The following ATP11C variants were observed in gnomAD, a reference collection of about 807,000 sequenced individuals.
The protein encoded by ATP11C is ATPase phospholipid transporting 11C (ATP11C blood group), also known as phospholipid-transporting ATPase IG.
ATP11C carries 36 observed loss-of-function variants against 97.4 expected under a neutral mutation model. That is an observed-to-expected ratio of 0.37 (90% confidence interval 0.28 to 0.49). The LOEUF (loss-of-function observed/expected upper bound fraction) is 0.49, where lower values mean the gene tolerates loss of function less well. Ranked by LOEUF, ATP11C falls within the 20% of genes least tolerant of loss-of-function variation. ATP11C has a pLI of 0.98. For missense variants in ATP11C, 730 were observed against 824.6 expected (o/e 0.89, Z 1.40); for synonymous variants, 275 against 290.9 (o/e 0.95, Z 0.56).
At chrX:139,794,273 CA>C (rs1273861546) in intron 12 of ATP11C, among the ~76,000 whole-genome samples, 2 of 112,217 alleles carry the variant, frequency 1.8e-5, no homozygotes, top group Non-Finnish European at 3.8e-5. Flanking sequence ...ATGGTATGAA[CA>C]GGAATTAAAT....
intron 22 of ATP11C, among the ~76,000 whole-genome samples, chrX:139,758,414 T>C (rs1438269398): frequency 8.9e-6 from 1 of 111,791 alleles, no homozygotes; most frequent in African/African-American, 3.3e-5. Flanking sequence ...TCAACTTCTT[T>C]TTCCTAAGTC....
At chrX:139,748,309 G>C (rs2081736073) in intron 24 of ATP11C, among the ~76,000 whole-genome samples, 1 of 109,939 alleles carries the variant, frequency 9.1e-6, no homozygotes, top group Admixed American at 9.7e-5. Context: ...AGGTCACCTG[G>C]TAAGTAGCAG....
chrX:139,843,821 G>A (rs1398880399), intron 1 of ATP11C, among the ~76,000 whole-genome samples: 4 of 105,570 alleles, frequency 3.8e-5, no homozygotes, highest in Non-Finnish European at 7.6e-5. Context: ...CCTTCATATT[G>A]TAAATACTGA....
chrX:139,836,765 G>A (rs138948621), intron 1 of ATP11C, among the ~76,000 whole-genome samples: 2 of 111,162 alleles, frequency 1.8e-5, no homozygotes, highest in African/African-American at 6.6e-5. Context: ...TTTACTTAAT[G>A]GTAATCTTTA....
chrX:139,859,911 CT>C (rs1458706344), intron 1 of ATP11C, among the ~76,000 whole-genome samples: 1 of 82,671 alleles, frequency 1.2e-5, no homozygotes, highest in Non-Finnish European at 2.0e-5. Flanking sequence ...ACCATCCCGG[CT>C]AAAAACGGTG....
intron 28 of ATP11C, 152 bp from the exon 29 acceptor site, chrX:139,731,907 G>A: frequency 3.9e-6 from 1 of 256,763 alleles, no homozygotes. Context: ...TATAGTAAAT[G>A]TATAACATTC....
chrX:139,927,448 CA>C (rs2085369105), intron 1 of ATP11C, among the ~76,000 whole-genome samples: 1 of 110,313 alleles, frequency 9.1e-6, no homozygotes, highest in African/African-American at 3.3e-5. Context: ...CTAAAAAATA[CA>C]AAAAATTAGC....
At position 139,932,283 on chromosome X, in the gene ATP11C, G is replaced by A. The variant is rs1181190794; in HGVS notation, c.-241C>T. The A allele has an allele frequency of 1.8e-5, 2 of 110,873 alleles. No individual in the cohort carries two copies. The highest frequency in any genetic ancestry group is 3.3e-5 in the African/African-American group (1 of 29,875). The allele number at this position is 110,873 out of a possible 1,213,427, so 9.1% of individuals were successfully genotyped here. On this transcript the variant is annotated 5_prime_UTR_variant, in exon 1 of 30. Transcript: ENST00000682941. ...CCGCCCCCGGCCTGCCTGACCCGGGGGCGGCGGCCCCGCGGATCGCCCTTA... is the reference window on the plus strand; with the variant it reads ...CCGCCCCCGGCCTGCCTGACCCGGGAGCGGCGGCCCCGCGGATCGCCCTTA...
At position 139,904,244 on chromosome X, in the gene ATP11C, T is replaced by C. The variant is rs983015629; in HGVS notation, c.27+27772A>G. On this transcript the variant is annotated intron_variant, in intron 1 of 29. Coordinates refer to ENST00000682941, the MANE Select transcript of ATP11C (RefSeq NM_001353812.2). ...TGAGTAAACTAAAACACGCATGCTT[T>C]TGGCCGGGCACGGTGGCTCACGCCT... Among the ~76,000 whole-genome samples, 6 of 111,746 alleles carry C rather than the reference T, an allele frequency of 5.4e-5. No individual in the cohort carries two copies. In the South Asian group the frequency reaches 1.9e-3, roughly 35 times the overall value.
chrX:139,882,716 T>C (rs773208867), intron 1 of ATP11C, among the ~76,000 whole-genome samples: 7 of 111,801 alleles, frequency 6.3e-5, no homozygotes, highest in Non-Finnish European at 1.1e-4. Flanking sequence ...CCCCTCACCA[T>C]TGTCTGTTCC....
intron 1 of ATP11C, among the ~76,000 whole-genome samples, chrX:139,853,199 C>T (rs1355757193): frequency 1.8e-5 from 2 of 111,444 alleles, no homozygotes; most frequent in Non-Finnish European, 3.8e-5. Context: ...CCGCCAGTCC[C>T]TCCCCTAGGG....
intron 5 of ATP11C, among the ~76,000 whole-genome samples, chrX:139,814,287 G>C (rs2083237945): frequency 1.8e-5 from 2 of 111,069 alleles, no homozygotes; most frequent in Admixed American, 9.6e-5. Flanking sequence ...TTATGTTGCT[G>C]ATGGGAATGT....
At chrX:139,866,737 A>G (rs2084293935) in intron 1 of ATP11C, among the ~76,000 whole-genome samples, 1 of 110,254 alleles carries the variant, frequency 9.1e-6, no homozygotes, top group Non-Finnish European at 1.9e-5. Flanking sequence ...ACAAAAAAAA[A>G]GACGCCGGAA....
chrX:139,893,747 A>G (rs2084765793), intron 1 of ATP11C, among the ~76,000 whole-genome samples: 1 of 111,021 alleles, frequency 9.0e-6, no homozygotes, highest in Non-Finnish European at 1.9e-5. Context: ...ACTACAAAAA[A>G]AAAAAAAAAT....
chrX:139,894,835 T>A lies in ATP11C; in HGVS notation c.27+37181A>T, dbSNP rs1476063235. 2.7e-5 allele frequency among the ~76,000 whole-genome samples: 3 copies of A among 111,733 alleles called. No individual in the cohort carries two copies. The South Asian group carries it at 1.1e-3, about 42-fold the overall frequency. Reference sequence around the variant, plus strand: ...AGAAAGTCTAATAACTGGTAAATCATAAATAAAATCACATTCTTCGAGACC... The same window carrying A: ...AGAAAGTCTAATAACTGGTAAATCAAAAATAAAATCACATTCTTCGAGACC... On this transcript the variant is annotated intron_variant, in intron 1 of 29. Coordinates refer to ENST00000682941, the MANE Select transcript of ATP11C (RefSeq NM_001353812.2).
At chrX:139,892,575 T>C (rs1569486926) in intron 1 of ATP11C, among the ~76,000 whole-genome samples, 1 of 111,722 alleles carries the variant, frequency 9.0e-6, no homozygotes, top group South Asian at 3.7e-4. Flanking sequence ...TTTGGATGAA[T>C]TGGGGTGCCA....
intron 1 of ATP11C, among the ~76,000 whole-genome samples, chrX:139,849,463 G>A (rs1020365130): frequency 8.9e-5 from 10 of 111,798 alleles, no homozygotes; most frequent in Non-Finnish European, 1.7e-4. Context: ...AAATGTGTTT[G>A]TTTTATTCAC....
intron 1 of ATP11C, among the ~76,000 whole-genome samples, chrX:139,856,241 G>A (rs777226353): frequency 1.1e-3 from 122 of 112,429 alleles, no homozygotes; most frequent in African/African-American, 3.8e-3. Flanking sequence ...GTAATAAGTC[G>A]TGCCAAGCTC....
chrX:139,793,693 AAATAAAGCTCAAT>A (rs985444879), intron 12 of ATP11C, among the ~76,000 whole-genome samples: 2 of 111,743 alleles, frequency 1.8e-5, no homozygotes, highest in Non-Finnish European at 3.8e-5. Flanking sequence ...AAAGATTAAA[AAATAAAGCTCAAT>A]AATAATGATC....
Sources: allele counts gnomAD v4.1 joint callset (sites outside exome capture counted in the v4.1 genomes callset), GRCh38; gene constraint gnomAD v4.1.1; transcripts MANE v1.5; gene names NCBI Gene and HGNC (gene_info 2026-07-23, HGNC 2026-07-21).